RYR2: variants seen among roughly 807,000 people sequenced by gnomAD.
The protein encoded by RYR2 is ryanodine receptor 2, also known as cardiac muscle ryanodine receptor-calcium release channel.
A neutral mutation model predicts 601.1 loss-of-function variants in RYR2; 227 were observed. The ratio of observed to expected loss-of-function variants is 0.38; its 90% CI spans 0.34 to 0.42. The LOEUF (loss-of-function observed/expected upper bound fraction) is 0.42. Ranked by LOEUF, RYR2 falls within the 10% of genes least tolerant of loss-of-function variation. The pLI, the probability that RYR2 is intolerant of heterozygous loss-of-function variation, is 1.00. For missense variants in RYR2, 4,646 were observed against 6,156.5 expected (o/e 0.75, Z 8.21); for synonymous variants, 2,223 against 2,175.1 (o/e 1.02, Z -0.61).
chr1:237,380,025 C>T (rs1572055769), intron 8 of RYR2, among the ~76,000 whole-genome samples: 1 of 152,106 alleles, frequency 6.6e-6, no homozygotes, highest in Non-Finnish European at 1.5e-5. Flanking sequence ...ACATACAGAG[C>T]TGTATGAGGA....
At position 237,783,712 on chromosome 1, in the gene RYR2, G is replaced by A. The variant is rs1172758996; in HGVS notation, c.12000G>A (p.Val4000=). Residue 4000 remains valine, a synonymous_variant, in exon 90 of 105, where the codon GTG becomes GTA. Coordinates refer to ENST00000366574, the MANE Select transcript of RYR2 (RefSeq NM_001035.3). The part of the protein sequence containing the change: ...VVNGTIGKQM[V]DMLVESSNNV... ...ATGGAACGATTGGCAAACAGATGGT[G>A]GATATGCTTGTGGAATCTTCCAACA... is the stretch of plus-strand genomic sequence containing the variant. The A allele has an allele frequency of 2.5e-6, 4 of 1,610,550 alleles. No individual in the cohort carries two copies. The highest frequency in any genetic ancestry group is 3.4e-6 in the Non-Finnish European group (4 of 1,177,698).
chr1:237,821,129 G>A (rs979231877), intron 101 of RYR2, among the ~76,000 whole-genome samples: 32 of 152,212 alleles, frequency 2.1e-4, no homozygotes, highest in African/African-American at 7.2e-4. Flanking sequence ...CTGCCTGACA[G>A]CTATGAGGAG....
At chr1:237,748,467 C>T (rs920595708) in intron 80 of RYR2, among the ~76,000 whole-genome samples, 1 of 152,166 alleles carries the variant, frequency 6.6e-6, no homozygotes, top group Non-Finnish European at 1.5e-5. Context: ...GTTGAGTGTC[C>T]AGGCACCACA....
chr1:237,511,784 A>C lies in RYR2; in HGVS notation c.2815A>C (p.Thr939Pro), dbSNP rs1381288569. 6.9e-7 allele frequency: 1 copy of C among 1,445,530 alleles called. No individual in the cohort carries two copies. The highest frequency in any genetic ancestry group is 9.3e-7 in the Non-Finnish European group (1 of 1,076,922). 89.5% of individuals were successfully genotyped at this position (1,445,530 alleles called of 1,614,324 possible). ...RNYNLQMSLE[T>P]LKTLLALGCH... Reference sequence around the variant, plus strand: ...TTACAACTTACAAATGTCGCTTGAGACCCTGAAGTGAGTTTCTTAACTTTT... The same window carrying C: ...TTACAACTTACAAATGTCGCTTGAGCCCCTGAAGTGAGTTTCTTAACTTTT... The change falls in exon 24 of 105, where the codon ACC becomes CCC. Residue 939 changes from threonine to proline, a missense_variant. By Grantham distance (38) the Thr-to-Pro change is conservative (BLOSUM62 -1). Coordinates refer to ENST00000366574, the MANE Select transcript of RYR2 (RefSeq NM_001035.3).
At chr1:237,821,109 T>C (rs1007921912) in intron 101 of RYR2, among the ~76,000 whole-genome samples, 3 of 152,142 alleles carry the variant, frequency 2.0e-5, no homozygotes, top group African/African-American at 7.2e-5. Context: ...TTCAGTAGAC[T>C]TAAACGTCCC....
chr1:237,265,608 T>C (rs1179657054), intron 1 of RYR2, among the ~76,000 whole-genome samples: 1 of 152,140 alleles, frequency 6.6e-6, no homozygotes, highest in African/African-American at 2.4e-5. Flanking sequence ...AGGTGTGAGC[T>C]ACCGCGCCTG....
At chr1:237,147,249 T>C (rs1674102147) in intron 1 of RYR2, among the ~76,000 whole-genome samples, 1 of 152,234 alleles carries the variant, frequency 6.6e-6, no homozygotes, top group Non-Finnish European at 1.5e-5. Context: ...AGAGCATTTT[T>C]AGTTTGGGTT....
rs1214664867 is a variant in RYR2 at position 237,628,028 on chromosome 1, C to T, written c.6388C>T (p.Leu2130=). 1 of 1,613,742 alleles carries T rather than the reference C, an allele frequency of 6.2e-7. No homozygotes were observed. Among genetic ancestry groups the T allele is most frequent in the Non-Finnish European group, 8.5e-7 (1 of 1,179,884 alleles). ...LASLGQIRSL[L]SVRMGKEEEK... ...ATCCCTTGGTCAGATTCGGTCCCTG[C>T]TGAGTGTGAGAATGGGCAAAGAAGA... The change falls in exon 41 of 105, where the codon CTG becomes TTG. Residue 2130 remains leucine (L), a synonymous_variant. Coordinates refer to ENST00000366574, the MANE Select transcript of RYR2 (RefSeq NM_001035.3).
chr1:237,148,553 T>TATATATATATATATATATACAC (rs71178397), intron 1 of RYR2, among the ~76,000 whole-genome samples: 2 of 105,698 alleles, frequency 1.9e-5, no homozygotes, highest in East Asian at 3.0e-4. Context: ...TATATATATA[T>TATATATATATATATATATACAC]ACACACACAC....
chr1:237,623,893 C>T, intron 39 of RYR2, 23 bp downstream of exon 39: 1 of 1,464,770 alleles, frequency 6.8e-7, no homozygotes, highest in Non-Finnish European at 9.6e-7. Context: ...TGATTAAAAG[C>T]TTTTATTAAT....
chr1:237,706,164 G>T (rs1197492022), intron 67 of RYR2, among the ~76,000 whole-genome samples: 1 of 152,088 alleles, frequency 6.6e-6, no homozygotes, highest in African/African-American at 2.4e-5. Flanking sequence ...CATGAGAATC[G>T]CTTGAACTGG....
chr1:237,732,002 A>G (rs375978656), intron 77 of RYR2, 44 bp from the exon 78 acceptor site: 2 of 1,246,796 alleles, frequency 1.6e-6, no homozygotes, highest in African/African-American at 1.5e-5. Context: ...TTGAGTGAAC[A>G]TTTTTTTTTA....
In RYR2 at chr1:237,395,564, T is replaced by TTTTTTTTTTG. The variant is rs1400077755; in HGVS notation, c.773+7381_773+7382insTTTTTTTTTG. On this transcript the variant is annotated intron_variant, in intron 10 of 104. Coordinates refer to ENST00000366574, the MANE Select transcript of RYR2 (RefSeq NM_001035.3). Reference sequence around the variant, plus strand: ...TTTTTTTTTTTTTTTTTTTTTTTTTTGAGACAGAGTCTCGCTTTGTTCCCC... The same window carrying TTTTTTTTTTG: ...TTTTTTTTTTTTTTTTTTTTTTTTTTTTTTTTTTTGGAGACAGAGTCTCGCTTTGTTCCCC... Among the ~76,000 whole-genome samples, 73 of 77,628 alleles carry TTTTTTTTTTG rather than the reference T, an allele frequency of 9.4e-4. 2 individuals are homozygous for TTTTTTTTTTG. The highest frequency in any genetic ancestry group is 3.8e-3 in the African/African-American group (65 of 17,054). 50.9% of individuals were successfully genotyped at this position (77,628 alleles called of 152,430 possible). A position where few individuals can be genotyped will look rare whatever the true frequency, so the allele number is the denominator to read the frequency against.
At chr1:237,799,266 T>C (rs1020877896) in intron 97 of RYR2, among the ~76,000 whole-genome samples, 5 of 152,202 alleles carry the variant, frequency 3.3e-5, no homozygotes. Context: ...AGGATCTGTG[T>C]TCCTTATGTT....
intron 1 of RYR2, among the ~76,000 whole-genome samples, chr1:237,203,118 C>T (rs928146622): frequency 1.3e-5 from 2 of 152,088 alleles, no homozygotes; most frequent in Non-Finnish European, 2.9e-5. Context: ...AAAAGATTTC[C>T]AGAAGCTGTT....
At position 237,610,805 on chromosome 1, in the gene RYR2, A is replaced by G. The variant is rs1368819899; in HGVS notation, c.4727A>G (p.Lys1576Arg). 6.2e-7 allele frequency: 1 copy of G among 1,610,562 alleles called. No individual in the cohort carries two copies. Among genetic ancestry groups the G allele is most frequent in the Admixed American group, 1.7e-5 (1 of 59,630 alleles). ...GCGGGATTATTCAAGAGTGAGCACA[A>G]GAACCCCGTGCCGCAGTGCCCCCCG... is the stretch of plus-strand genomic sequence containing the variant. ...LSAGLFKSEH[K>R]NPVPQCPPRL... Residue 1576 changes from lysine to arginine, a missense_variant, in exon 36 of 105, where the codon AAG (lysine) becomes AGG (arginine). Coordinates refer to ENST00000366574, the MANE Select transcript of RYR2 (RefSeq NM_001035.3). The surrounding 1 kb of genome is among the most constrained non-coding windows in gnomAD (Gnocchi z 4.9).
intron 1 of RYR2, among the ~76,000 whole-genome samples, chr1:237,240,689 A>AAC (rs1686072471): frequency 2.0e-5 from 3 of 148,684 alleles, no homozygotes; most frequent in Admixed American, 1.3e-4. Context: ...AAAAAAAAAA[A>AAC]CAGTGGGTCA....
intron 79 of RYR2, among the ~76,000 whole-genome samples, chr1:237,734,245 A>G (rs1001198746): frequency 2.6e-5 from 4 of 152,166 alleles, no homozygotes. Context: ...GGAACTTATA[A>G]TCATGGCGGA....
At chr1:237,573,241 C>G (rs979943555) in intron 29 of RYR2, among the ~76,000 whole-genome samples, 1 of 151,548 alleles carries the variant, frequency 6.6e-6, no homozygotes, top group African/African-American at 2.4e-5. Context: ...TACACACACA[C>G]ACACACACAC....
Sources: gnomAD v4.1 joint callset for allele counts (sites outside exome capture counted in the v4.1 genomes callset) on GRCh38, gnomAD v4.1.1 for gene constraint, Gnocchi (gnomAD v3.1) non-coding constraint, MANE v1.5 for transcripts, NCBI Gene and HGNC (gene_info 2026-07-23, HGNC 2026-07-21) for gene names.